ANKRD11: variants seen among roughly 807,000 people sequenced by gnomAD.
ANKRD11 encodes ankyrin repeat domain 11.
Under a neutral mutation model 195.7 loss-of-function variants are expected in ANKRD11, and 17 were observed. The observed-to-expected ratio is 0.09, with a 90% CI of 0.06 to 0.13. The LOEUF is 0.13. ANKRD11 is among the 10% of genes least tolerant of loss of function. The pLI, the probability that ANKRD11 is intolerant of heterozygous loss-of-function variation, is 1.00. For synonymous variants in ANKRD11, 1,953 were observed against 1,528.1 expected, an observed-to-expected ratio of 1.28 and a Z score of -6.49; for missense variants, 3,735 against 3,566.1, an observed-to-expected ratio of 1.05 and a Z score of -1.21.
chr16:89,441,277 T>C (rs1206925624), intron 1 of ANKRD11, among the ~76,000 whole-genome samples: 1 of 151,770 alleles, frequency 6.6e-6, no homozygotes, highest in African/African-American at 2.4e-5. Flanking sequence ...GCTAAAACCC[T>C]CTGGAGTGAA....
chr16:89,302,502 C>T (rs774497713), intron 4 of ANKRD11, among the ~76,000 whole-genome samples: 2 of 152,172 alleles, frequency 1.3e-5, no homozygotes, highest in Non-Finnish European at 2.9e-5. Context: ...CTGCCCGCCT[C>T]GGCCTCCCAA....
At position 89,291,709 on chromosome 16, in the gene ANKRD11, C is replaced by G; in HGVS notation, c.227-526G>C. 1 of 1,289,880 alleles carries G rather than the reference C, an allele frequency of 7.8e-7. No homozygotes were observed. Among genetic ancestry groups the G allele is most frequent in the Non-Finnish European group, 1.0e-6 (1 of 988,918 alleles). The allele number at this position is 1,289,880 out of a possible 1,614,324, so 79.9% of individuals were successfully genotyped here. ...TCTTCTTGCTTCTAGGAACCTCCAT[C>G]TCATGCCATGGTGCTTCGAGGAGCG... On this transcript the variant is annotated intron_variant, in intron 4 of 12. Transcript: ENST00000301030. This position sits in a 1 kb window ranked among gnomAD's most constrained non-coding sequence, Gnocchi z 5.3.
intron 7 of ANKRD11, chr16:89,287,233 C>T (rs908270472): frequency 1.9e-5 from 10 of 532,848 alleles, no homozygotes; most frequent in African/African-American, 6.0e-5. Context: ...CGGCCCTCCT[C>T]GGGTTCTAAC....
chr16:89,384,879 CTTTTTTTTTTTTTTT>C (rs869271846), intron 2 of ANKRD11, among the ~76,000 whole-genome samples: 7 of 49,910 alleles, frequency 1.4e-4, no homozygotes, highest in African/African-American at 3.2e-4. Context: ...AAATAGTTTT[CTTTTTTTTTTTTTTT>C]TTTTTTTTTT....
intron 11 of ANKRD11, among the ~76,000 whole-genome samples, chr16:89,273,938 G>A (rs1162367243): frequency 1.3e-5 from 2 of 152,200 alleles, no homozygotes; most frequent in East Asian, 3.9e-4. Context: ...ACCAAGGCAG[G>A]AATGTGTTCC....
intron 4 of ANKRD11, among the ~76,000 whole-genome samples, chr16:89,294,927 G>C (rs72803311): frequency 0.034 from 5,171 of 152,330 alleles, 156 homozygotes; most frequent in East Asian, 0.065. Context: ...GTAAGAAAAG[G>C]GTGAGAGCAT....
intron 1 of ANKRD11, among the ~76,000 whole-genome samples, chr16:89,421,861 G>A (rs2042523824): frequency 6.6e-6 from 1 of 152,184 alleles, no homozygotes; most frequent in Admixed American, 6.5e-5. Context: ...GGCAGGGGTG[G>A]GGGTAACCAA....
chr16:89,288,858 C>T (rs892757894), intron 6 of ANKRD11, 188 bp from the exon 7 acceptor site: 1 of 741,862 alleles, frequency 1.3e-6, no homozygotes, highest in Non-Finnish European at 2.3e-6. Flanking sequence ...TTTACTGTGG[C>T]ACCTCGTTAG....
At chr16:89,438,940 C>T (rs371776199) in intron 1 of ANKRD11, among the ~76,000 whole-genome samples, 3 of 151,732 alleles carry the variant, frequency 2.0e-5, no homozygotes, top group East Asian at 3.9e-4. Context: ...CCAATGAGTT[C>T]GTGATCATAC....
chr16:89,404,934 G>A (rs1032895601), intron 2 of ANKRD11, among the ~76,000 whole-genome samples: 4 of 152,188 alleles, frequency 2.6e-5, no homozygotes, highest in Non-Finnish European at 4.4e-5. Flanking sequence ...GACAAACATC[G>A]TGTCCACAGA....
At chr16:89,301,649 G>T (rs2035861071) in intron 4 of ANKRD11, 2 of 398,638 alleles carry the variant, frequency 5.0e-6, no homozygotes, top group African/African-American at 2.1e-5. Flanking sequence ...GGAAGACACA[G>T]AGGTGATGCT....
At chr16:89,425,597 C>G (rs1277936048) in intron 1 of ANKRD11, among the ~76,000 whole-genome samples, 3 of 152,166 alleles carry the variant, frequency 2.0e-5, no homozygotes, top group Admixed American at 2.0e-4. Flanking sequence ...TGACCTCGGT[C>G]GGTCTCCTTC....
intron 1 of ANKRD11, among the ~76,000 whole-genome samples, chr16:89,468,784 A>G (rs1219878872): frequency 3.3e-5 from 5 of 152,184 alleles, no homozygotes; most frequent in African/African-American, 7.2e-5. Context: ...GGCAGCCCCA[A>G]TGGCCAGCCT....
At chr16:89,317,687 C>T (rs895848364) in intron 2 of ANKRD11, among the ~76,000 whole-genome samples, 1 of 152,242 alleles carries the variant, frequency 6.6e-6, no homozygotes, top group African/African-American at 2.4e-5. Context: ...CAGACGCCCC[C>T]TCGGGCCTCA....
At chr16:89,441,768 A>C (rs971856988) in intron 1 of ANKRD11, among the ~76,000 whole-genome samples, 3 of 35,886 alleles carry the variant, frequency 8.4e-5, no homozygotes, top group African/African-American at 2.8e-4. Flanking sequence ...CTCCGCCTAC[A>C]AAAAAAAAAA....
At chr16:89,486,265 C>A (rs916710252) in intron 1 of ANKRD11, among the ~76,000 whole-genome samples, 1 of 151,994 alleles carries the variant, frequency 6.6e-6, no homozygotes, top group Non-Finnish European at 1.5e-5. Context: ...CACAGGAAGA[C>A]CCTGTTTCTA....
intron 3 of ANKRD11, among the ~76,000 whole-genome samples, chr16:89,311,809 A>G (rs769888461): frequency 3.3e-5 from 5 of 152,174 alleles, no homozygotes; most frequent in Non-Finnish European, 5.9e-5. Flanking sequence ...CCCAGAGCCA[A>G]GGGGATTTTC....
chr16:89,270,704 C>T, intron 12 of ANKRD11, 113 bp downstream of exon 12: 1 of 1,043,484 alleles, frequency 9.6e-7, no homozygotes, highest in Non-Finnish European at 1.5e-6. Flanking sequence ...CCGCCCATCA[C>T]AGAACTGGGC....
chr16:89,346,849 A>G (rs991904934), intron 2 of ANKRD11, among the ~76,000 whole-genome samples: 13 of 152,276 alleles, frequency 8.5e-5, no homozygotes, highest in African/African-American at 2.7e-4. Flanking sequence ...ATGTACAAAC[A>G]TAAACGAAAC....
Sources: gnomAD v4.1 joint callset for allele counts (sites outside exome capture counted in the v4.1 genomes callset) on GRCh38, gnomAD v4.1.1 for gene constraint, Gnocchi (gnomAD v3.1) non-coding constraint, MANE v1.5 for transcripts, NCBI Gene and HGNC (gene_info 2026-07-23, HGNC 2026-07-21) for gene names.